The following MYH15 variants were observed in gnomAD, a reference collection of about 807,000 sequenced individuals.
The protein encoded by MYH15 is myosin heavy chain 15.
Under a neutral mutation model 240.5 loss-of-function variants are expected in MYH15, and 227 were observed. The ratio of observed to expected loss-of-function variants is 0.94; its 90% confidence interval spans 0.85 to 1.05. MYH15 has a LOEUF of 1.05. Ranked by LOEUF, MYH15 falls within the 50% of genes least tolerant of loss-of-function variation. The pLI is 0.00. For missense variants in MYH15, 2,217 were observed against 2,247.5 expected (o/e 0.99, Z 0.27); for synonymous variants, 785 against 796.7 (o/e 0.99, Z 0.25).
chr3:108,431,644 G>A (rs575729012), intron 25 of MYH15, among the ~76,000 whole-genome samples: 1 of 152,252 alleles, frequency 6.6e-6, no homozygotes, highest in South Asian at 2.1e-4. Context: ...TATAGAAATT[G>A]GTACCAGTAG....
chr3:108,493,304 C>CA (rs34979792), intron 7 of MYH15, 127 bp from the exon 8 acceptor site: 135,704 of 457,906 alleles, frequency 0.3, 9,152 homozygotes, highest in Non-Finnish European at 0.33. Flanking sequence ...AAAAAACAAA[C>CA]AAAAAAAAAA....
At chr3:108,407,841 A>T (rs140299579) in intron 32 of MYH15, among the ~76,000 whole-genome samples, 75 of 152,348 alleles carry the variant, frequency 4.9e-4, no homozygotes, top group South Asian at 1.2e-3. Flanking sequence ...TGCTTCTCAA[A>T]TATTAATGTG....
chr3:108,508,089 T>C (rs1056318427), intron 1 of MYH15, among the ~76,000 whole-genome samples: 9 of 152,146 alleles, frequency 5.9e-5, no homozygotes, highest in African/African-American at 2.2e-4. Flanking sequence ...GTCACTACAA[T>C]AATGACTCTA....
At chr3:108,458,582 A>T (rs2083043532) in intron 18 of MYH15, among the ~76,000 whole-genome samples, 1 of 152,110 alleles carries the variant, frequency 6.6e-6, no homozygotes, top group South Asian at 2.1e-4. Context: ...AGTGCTCTGA[A>T]GACATAGGGC....
intron 15 of MYH15, 97 bp from the exon 16 acceptor site, chr3:108,463,340 G>T: frequency 2.3e-6 from 3 of 1,296,504 alleles, no homozygotes; most frequent in Non-Finnish European, 3.2e-6. Context: ...TTTGAGACAG[G>T]GTCTCATTCT....
chr3:108,395,199 G>T (rs2082450576), intron 35 of MYH15, among the ~76,000 whole-genome samples: 1 of 152,178 alleles, frequency 6.6e-6, no homozygotes, highest in Non-Finnish European at 1.5e-5. Flanking sequence ...AGCCTGGGAG[G>T]CGGGGGTTGC....
intron 1 of MYH15, among the ~76,000 whole-genome samples, chr3:108,507,481 C>T (rs991168279): frequency 2.6e-5 from 4 of 151,878 alleles, no homozygotes; most frequent in African/African-American, 7.3e-5. Context: ...ATATGAGTCA[C>T]AAAAGCTAGA....
At chr3:108,434,921 C>T (rs1021239873) in intron 25 of MYH15, among the ~76,000 whole-genome samples, 3 of 152,170 alleles carry the variant, frequency 2.0e-5, no homozygotes, top group Non-Finnish European at 2.9e-5. Context: ...AAATAGATTA[C>T]TATTTCATTG....
chr3:108,425,025 G>A (rs2107557655), intron 27 of MYH15, among the ~76,000 whole-genome samples: 1 of 152,314 alleles, frequency 6.6e-6, no homozygotes, highest in Non-Finnish European at 1.5e-5. Flanking sequence ...CCTAGTTTCT[G>A]CTTTCAATGT....
chr3:108,478,994 C>T (rs2083242861), intron 11 of MYH15, among the ~76,000 whole-genome samples: 1 of 152,166 alleles, frequency 6.6e-6, no homozygotes, highest in Non-Finnish European at 1.5e-5. Flanking sequence ...CAGAGATTTA[C>T]ATTATACATC....
chr3:108,542,509 C>G, the MYH15 span, among the ~76,000 whole-genome samples: 1 of 152,150 alleles, frequency 6.6e-6, no homozygotes, highest in Non-Finnish European at 1.5e-5. Context: ...TAGCAATATG[C>G]ATTTAAATTT....
chr3:108,464,761 TG>T lies in MYH15; in HGVS notation c.1607del (p.Thr536LysfsTer3). The T allele has an allele frequency of 6.2e-7, 1 of 1,613,920 alleles. No homozygotes were observed. Among genetic ancestry groups the T allele is most frequent in the South Asian group, 1.1e-5 (1 of 91,054 alleles). On this transcript the variant is annotated frameshift_variant, in exon 15 of 41. Coordinates refer to ENST00000693548, the MANE Select transcript of MYH15 (RefSeq NM_014981.3). LOFTEE classifies it high-confidence loss of function. ...AGAGTTTGGTCTTGAAAGTCAGGTC[TG>T]TAGCCTTAGGAAACATACACTCTTC... ...LEEECMFPKA[T>X]DLTFKTKLFD... is the part of the protein sequence containing the mutation.
chr3:108,402,925 C>T (rs1472787804), intron 33 of MYH15, among the ~76,000 whole-genome samples: 1 of 152,212 alleles, frequency 6.6e-6, no homozygotes, highest in Non-Finnish European at 1.5e-5. Flanking sequence ...AGATCAAAGC[C>T]AGCTACCAGC....
intron 26 of MYH15, among the ~76,000 whole-genome samples, chr3:108,429,644 T>G (rs919716165): frequency 6.6e-6 from 1 of 152,198 alleles, no homozygotes; most frequent in African/African-American, 2.4e-5. Flanking sequence ...ATCATCACCT[T>G]AAGTAATTAG....
In MYH15 at chr3:108,517,749, T is replaced by C. The variant is rs575961485; in HGVS notation, c.-57-7162A>G. On this transcript the variant is annotated intron_variant, in intron 1 of 41. Transcript: ENST00000273353. ...TCCCAAAGTGCTGGGATTACAGGTG[T>C]GAGCCACCGCACCCGGCCACCTTCT... 3.9e-5 allele frequency among the ~76,000 whole-genome samples: 6 copies of C among 152,332 alleles called. No individual in the cohort carries two copies. In the East Asian group the frequency reaches 1.2e-3, roughly 29 times the overall value.
intron 20 of MYH15, 40 bp downstream of exon 20, chr3:108,455,696 C>T (rs772469052): frequency 6.2e-7 from 1 of 1,604,378 alleles, no homozygotes; most frequent in Admixed American, 1.7e-5. Context: ...GTCTTCCCCC[C>T]ATTCGTCTCC....
chr3:108,394,200 A>C, intron 35 of MYH15, 44 bp from the exon 36 acceptor site: 1 of 1,610,748 alleles, frequency 6.2e-7, no homozygotes, highest in Non-Finnish European at 8.5e-7. Flanking sequence ...AAAACCAGCA[A>C]TGCAAATGCA....
chr3:108,429,773 G>A (rs1232481359), intron 26 of MYH15, among the ~76,000 whole-genome samples: 1 of 152,134 alleles, frequency 6.6e-6, no homozygotes, highest in Non-Finnish European at 1.5e-5. Context: ...TATCAAATAA[G>A]TAGTCTATCA....
intron 38 of MYH15, among the ~76,000 whole-genome samples, chr3:108,387,370 A>G (rs1224421422): frequency 1.3e-5 from 2 of 152,202 alleles, no homozygotes; most frequent in Non-Finnish European, 2.9e-5. Flanking sequence ...AGCTGATTTG[A>G]TGGCAGAAAA....
Sources: allele counts gnomAD v4.1 joint callset (sites outside exome capture counted in the v4.1 genomes callset), GRCh38; gene constraint gnomAD v4.1.1; transcripts MANE v1.5; gene names NCBI Gene and HGNC (gene_info 2026-07-23, HGNC 2026-07-21).